Variants in PCDHA2 observed in about 807,000 individuals in gnomAD.
PCDHA2 encodes the protein protocadherin alpha 2.
Under a neutral mutation model 66.0 loss-of-function variants are expected in PCDHA2, and 58 were observed. The observed-to-expected ratio is 0.88, with a 90% confidence interval of 0.71 to 1.09. PCDHA2 has a LOEUF of 1.09. Ranked by LOEUF, PCDHA2 falls within the 50% of genes least tolerant of loss-of-function variation. The probability of loss-of-function intolerance (pLI) is 0.00; values close to 1 mark genes in which losing one functional copy is unlikely to be tolerated. For missense variants in PCDHA2, 1,267 were observed against 1,242.3 expected (o/e 1.02, Z -0.30); for synonymous variants, 634 against 554.0 (o/e 1.14, Z -2.03).
intron 3 of PCDHA2, among the ~76,000 whole-genome samples, chr5:141,006,916 A>G (rs111263219): frequency 0.011 from 1,648 of 152,304 alleles, 31 homozygotes; most frequent in African/African-American, 0.038. Context: ...TGGGATGCCC[A>G]TGAGATTTCC....
At chr5:140,997,476 A>G (rs782742177) in intron 3 of PCDHA2, among the ~76,000 whole-genome samples, 1 of 152,196 alleles carries the variant, frequency 6.6e-6, no homozygotes, top group Admixed American at 6.5e-5. Flanking sequence ...TTTTTACACA[A>G]TGATAAGTAT....
At chr5:140,894,143 T>G (rs1322881071) in intron 1 of PCDHA2, among the ~76,000 whole-genome samples, 1 of 152,158 alleles carries the variant, frequency 6.6e-6, no homozygotes, top group Non-Finnish European at 1.5e-5. Flanking sequence ...ATAATTCCCT[T>G]CTATGTAATT....
At chr5:140,829,148 A>G (rs1306050057) in intron 1 of PCDHA2, 3 of 1,613,684 alleles carry the variant, frequency 1.9e-6, no homozygotes, top group Non-Finnish European at 2.5e-6. Context: ...GATAGCACTG[A>G]CTTCCTTATC....
At chr5:140,859,043 C>G (rs552891148) in intron 1 of PCDHA2, 1 of 150,484 alleles carries the variant, frequency 6.6e-6, no homozygotes, top group Non-Finnish European at 1.5e-5. Context: ...ACTTTAAAAA[C>G]GTTTTCCATT....
chr5:140,985,941 G>T (rs553776294), intron 3 of PCDHA2, among the ~76,000 whole-genome samples: 2 of 151,978 alleles, frequency 1.3e-5, no homozygotes, highest in South Asian at 4.1e-4. Flanking sequence ...GGGTTTCACT[G>T]TGTTAGCCAG....
In PCDHA2 at chr5:140,849,922, C is replaced by T. The variant is rs140735832; in HGVS notation, c.2388+52570C>T. 4.3e-5 allele frequency: 69 copies of T among 1,598,214 alleles called. 4 individuals carry two copies. Among genetic ancestry groups the T allele is most frequent in the Middle Eastern group, 1.7e-4 (1 of 5,782 alleles). On this transcript the variant is annotated intron_variant, in intron 1 of 3. Transcript: ENST00000526136. The stretch of plus-strand genomic sequence containing the variant: ...AACCCGCCGGGCTGCCACATCTTCA[C>T]GGTGTCTGCGCGGGACGCTGACGCG...
In PCDHA2 at chr5:140,844,364, G is replaced by A. The variant is rs1281881070; in HGVS notation, c.2388+47012G>A. Reference sequence around the variant, plus strand: ...AGTAAAATCAAGAGGGAAGAGATTTGTAATCCTTCTTTTAATTCATTATTT... The same window carrying A: ...AGTAAAATCAAGAGGGAAGAGATTTATAATCCTTCTTTTAATTCATTATTT... On this transcript the variant is annotated intron_variant, in intron 1 of 3. Coordinates refer to ENST00000526136, the MANE Select transcript of PCDHA2 (RefSeq NM_018905.3). Among the ~76,000 whole-genome samples, 3 of 149,238 alleles carry A rather than the reference G, an allele frequency of 2.0e-5. 1 individual carries two copies. The highest frequency in any genetic ancestry group is 4.5e-5 in the Non-Finnish European group (3 of 66,742).
In PCDHA2 at chr5:140,842,901, A is replaced by G. The variant is rs150252824; in HGVS notation, c.2388+45549A>G. ...GCGCTGCAGCCGCTGGACCACGAGG[A>G]GCTAGAGCTGCTGCAGTTCCAGGTG... On this transcript the variant is annotated intron_variant, in intron 1 of 3. Transcript: ENST00000526136. 211 of 1,594,012 alleles carry G rather than the reference A, an allele frequency of 1.3e-4. 20 individuals carry two copies. Among genetic ancestry groups the G allele is most frequent in the Non-Finnish European group, 1.7e-4 (198 of 1,165,384 alleles).
intron 3 of PCDHA2, among the ~76,000 whole-genome samples, chr5:140,997,668 T>TTGTGTGTGTGTGTG (rs35184029): frequency 1.7e-4 from 25 of 148,344 alleles, no homozygotes; most frequent in African/African-American, 6.2e-4. Flanking sequence ...ATTATACAGC[T>TTGTGTGTGTGTGTG]TGTGTGTGTG....
chr5:140,992,976 AG>A (rs2097535791), intron 3 of PCDHA2, among the ~76,000 whole-genome samples: 3 of 152,240 alleles, frequency 2.0e-5, no homozygotes, highest in Non-Finnish European at 4.4e-5. Flanking sequence ...GACAATGATT[AG>A]GCCATGGGAC....
At position 140,803,034 on chromosome 5, in the gene PCDHA2, C is replaced by T. The variant is rs782709763; in HGVS notation, c.2388+5682C>T. On this transcript the variant is annotated intron_variant, in intron 1 of 3. Transcript: ENST00000526136. ...CGCGTGGCTTTCGTATGAGCTGCAGCCTGGGACCGGCGGTGCGCGCATCCC... is the reference window on the plus strand; with the variant it reads ...CGCGTGGCTTTCGTATGAGCTGCAGTCTGGGACCGGCGGTGCGCGCATCCC... 8 of 1,614,030 alleles carry T rather than the reference C, an allele frequency of 5.0e-6. No homozygotes were observed. The East Asian group carries it at 1.8e-4, about 36-fold the overall frequency.
At chr5:140,881,392 A>G (rs2058698624) in intron 1 of PCDHA2, 2 of 979,256 alleles carry the variant, frequency 2.0e-6, no homozygotes. Context: ...CGGTAAGTTA[A>G]ATTCTATTAA....
intron 1 of PCDHA2, among the ~76,000 whole-genome samples, chr5:140,880,402 G>A (rs1014801012): frequency 3.9e-5 from 6 of 152,182 alleles, no homozygotes; most frequent in Non-Finnish European, 8.8e-5. Context: ...AGAGCATATG[G>A]TTGACCTTAA....
chr5:140,874,192 T>C (rs1263028873), intron 1 of PCDHA2, among the ~76,000 whole-genome samples: 4 of 152,224 alleles, frequency 2.6e-5, no homozygotes, highest in African/African-American at 9.6e-5. Flanking sequence ...GGTGTCATAT[T>C]TCAGTTGCCT....
intron 1 of PCDHA2, among the ~76,000 whole-genome samples, chr5:140,917,324 C>CG (rs1299895515): frequency 0.012 from 918 of 74,422 alleles, 22 homozygotes; most frequent in East Asian, 0.019. Flanking sequence ...GTTCATGTGG[C>CG]GGGGGAGGGG....
At chr5:140,858,548 T>A in intron 1 of PCDHA2, 1 of 1,394,090 alleles carries the variant, frequency 7.2e-7, no homozygotes, top group African/African-American at 1.4e-5. Flanking sequence ...ATTCCATTTA[T>A]GCTTGAATAT....
intron 1 of PCDHA2, chr5:140,803,385 G>T: frequency 6.2e-7 from 1 of 1,614,218 alleles, no homozygotes; most frequent in Non-Finnish European, 8.5e-7. Context: ...GCCAACCGAA[G>T]GCGACTGTGG....
At chr5:140,941,211 C>CTT (rs59928198) in intron 1 of PCDHA2, among the ~76,000 whole-genome samples, 19 of 129,722 alleles carry the variant, frequency 1.5e-4, no homozygotes, top group African/African-American at 5.2e-4. Flanking sequence ...TCCTTTCTTT[C>CTT]TTCCTTTCTT....
intron 1 of PCDHA2, chr5:140,850,343 C>G (rs1554144214): frequency 1.9e-6 from 3 of 1,597,676 alleles, no homozygotes; most frequent in Non-Finnish European, 2.6e-6. Context: ...CAGAAACGGC[C>G]AGCGCGAGCA....
Sources: allele counts gnomAD v4.1 joint callset (sites outside exome capture counted in the v4.1 genomes callset), GRCh38; gene constraint gnomAD v4.1.1; transcripts MANE v1.5; gene names NCBI Gene and HGNC (gene_info 2026-07-23, HGNC 2026-07-21).